Variants in WWOX observed in about 807,000 individuals in gnomAD.
WWOX encodes WW domain-containing oxidoreductase.
In WWOX, 69 loss-of-function variants were observed where a neutral mutation model predicts 46.2. The observed-to-expected ratio is 1.49, with a 90% CI of 1.23 to 1.82. The LOEUF (loss-of-function observed/expected upper bound fraction) is 1.82, where lower values mean the gene tolerates loss of function less well. Among genes scored for constraint, WWOX ranks in the 40% most tolerant of loss-of-function variants. The pLI, the probability that WWOX is intolerant of heterozygous loss-of-function variation, is 0.00. For synonymous variants in WWOX, 359 were observed against 202.6 expected, an observed-to-expected ratio of 1.77 and a Z score of -6.56; for missense variants, 919 against 542.6, an observed-to-expected ratio of 1.69 and a Z score of -6.89.
chr16:78,650,233 C>G (rs996785972), intron 8 of WWOX, among the ~76,000 whole-genome samples: 6 of 152,128 alleles, frequency 3.9e-5, no homozygotes, highest in Non-Finnish European at 8.8e-5. Flanking sequence ...CATACAGTGA[C>G]CATAGTGTTT....
intron 8 of WWOX, among the ~76,000 whole-genome samples, chr16:78,654,617 G>A (rs2047039719): frequency 6.6e-6 from 1 of 151,956 alleles, no homozygotes; most frequent in Admixed American, 6.6e-5. Context: ...TGTTTTTAAT[G>A]TACCTACCTA....
At chr16:78,655,113 A>G (rs780650238) in intron 8 of WWOX, among the ~76,000 whole-genome samples, 31 of 152,204 alleles carry the variant, frequency 2.0e-4, no homozygotes, top group Non-Finnish European at 4.0e-4. Context: ...CGTATTTTAC[A>G]GTTAAGGAAA....
chr16:78,145,188 T>G (rs186884893), intron 4 of WWOX, among the ~76,000 whole-genome samples: 106 of 152,300 alleles, frequency 7.0e-4, no homozygotes, highest in African/African-American at 2.3e-3. Context: ...GGCTTGTAGA[T>G]GAGTGTATTA....
intron 5 of WWOX, among the ~76,000 whole-genome samples, chr16:78,263,320 A>G (rs377578948): frequency 2.0e-5 from 3 of 152,172 alleles, no homozygotes; most frequent in East Asian, 1.9e-4. Flanking sequence ...GGCTTCATGC[A>G]TATTGGACAG....
intron 8 of WWOX, among the ~76,000 whole-genome samples, chr16:78,718,631 C>T (rs780349515): frequency 3.3e-5 from 5 of 151,770 alleles, no homozygotes; most frequent in Non-Finnish European, 5.9e-5. Context: ...TCCCTTGAGC[C>T]CAGGATTTTG....
At chr16:78,559,932 G>C (rs1169441949) in intron 8 of WWOX, among the ~76,000 whole-genome samples, 2 of 152,128 alleles carry the variant, frequency 1.3e-5, no homozygotes, top group African/African-American at 4.8e-5. Context: ...TAGCTCCCCA[G>C]CTTCTCCTGA....
At chr16:78,594,420 T>A (rs1344929494) in intron 8 of WWOX, among the ~76,000 whole-genome samples, 4 of 104,244 alleles carry the variant, frequency 3.8e-5, no homozygotes, top group African/African-American at 1.3e-4. Context: ...CGAAGAAGAC[T>A]GAGGAAAGGC....
intron 8 of WWOX, among the ~76,000 whole-genome samples, chr16:78,443,399 C>A (rs1176992000): frequency 6.6e-6 from 1 of 152,170 alleles, no homozygotes; most frequent in Non-Finnish European, 1.5e-5. Flanking sequence ...CAGGCTTCCA[C>A]AGTGCAGATT....
chr16:78,627,261 A>C (rs1028099750), intron 8 of WWOX, among the ~76,000 whole-genome samples: 12 of 152,248 alleles, frequency 7.9e-5, no homozygotes, highest in African/African-American at 2.9e-4. Context: ...TCCCCAGGGG[A>C]TAGCCCTCCA....
At chr16:78,162,735 G>A (rs533395237) in intron 4 of WWOX, among the ~76,000 whole-genome samples, 4 of 152,094 alleles carry the variant, frequency 2.6e-5, no homozygotes, top group African/African-American at 9.6e-5. Context: ...ACATGTATGT[G>A]TAAGAGCCTG....
intron 4 of WWOX, among the ~76,000 whole-genome samples, chr16:78,152,301 A>C (rs555351175): frequency 3.3e-5 from 5 of 152,264 alleles, no homozygotes; most frequent in Admixed American, 1.3e-4. Flanking sequence ...CATGCAATAT[A>C]ATTTATATAA....
chr16:78,196,196 A>AT (rs1342226785), intron 5 of WWOX, among the ~76,000 whole-genome samples: 1 of 152,258 alleles, frequency 6.6e-6, no homozygotes, highest in African/African-American at 2.4e-5. Context: ...CCTTTTAGCC[A>AT]TATCTACAAT....
At chr16:78,659,137 G>A (rs1044524845) in intron 8 of WWOX, among the ~76,000 whole-genome samples, 5 of 151,366 alleles carry the variant, frequency 3.3e-5, no homozygotes, top group Admixed American at 3.3e-4. Context: ...AACACATGCT[G>A]GTGCACACAT....
intron 8 of WWOX, among the ~76,000 whole-genome samples, chr16:78,561,552 C>A (rs796855662): frequency 1.1e-4 from 16 of 151,614 alleles, no homozygotes; most frequent in African/African-American, 3.6e-4. Flanking sequence ...ATCCGGGAGG[C>A]CAATTTAGAA....
chr16:78,177,171 C>T (rs2035378060), intron 5 of WWOX, among the ~76,000 whole-genome samples: 1 of 152,184 alleles, frequency 6.6e-6, no homozygotes, highest in African/African-American at 2.4e-5. Flanking sequence ...AGGGCGGGTA[C>T]ACATTTTTAT....
chr16:78,876,452 T>G (rs536067614), intron 8 of WWOX, among the ~76,000 whole-genome samples: 26 of 149,952 alleles, frequency 1.7e-4, no homozygotes, highest in Non-Finnish European at 3.0e-4. Context: ...ACAAATAGAT[T>G]GTGAATGCTT....
At chr16:78,242,749 T>C (rs1253608074) in intron 5 of WWOX, among the ~76,000 whole-genome samples, 2 of 152,172 alleles carry the variant, frequency 1.3e-5, no homozygotes, top group African/African-American at 4.8e-5. Flanking sequence ...GGCTCACGCC[T>C]GTAATCCTAG....
chr16:78,654,298 A>G (rs1310294526), intron 8 of WWOX, among the ~76,000 whole-genome samples: 1 of 152,226 alleles, frequency 6.6e-6, no homozygotes, highest in African/African-American at 2.4e-5. Flanking sequence ...TATGAAACAT[A>G]AATCCCTTTG....
intron 8 of WWOX, among the ~76,000 whole-genome samples, chr16:78,838,402 A>G (rs961672855): frequency 3.3e-5 from 5 of 152,210 alleles, no homozygotes; most frequent in Non-Finnish European, 7.4e-5. Flanking sequence ...TTGCATCTTA[A>G]AATGTTGAGA....
Sources: gnomAD v4.1 joint callset for allele counts (sites outside exome capture counted in the v4.1 genomes callset) on GRCh38, gnomAD v4.1.1 for gene constraint, MANE v1.5 for transcripts, NCBI Gene and HGNC (gene_info 2026-07-23, HGNC 2026-07-21) for gene names.